HS6ST2: variants seen among roughly 807,000 people sequenced by gnomAD.
HS6ST2 encodes the protein heparan-sulfate 6-O-sulfotransferase 2.
HS6ST2 carries 17 observed loss-of-function variants against 33.0 expected under a neutral mutation model. That is an observed-to-expected ratio of 0.52 (90% CI 0.35 to 0.77). HS6ST2 has a LOEUF of 0.77. Among genes scored for constraint, HS6ST2 ranks in the 30% least tolerant of loss-of-function variants. The pLI is 0.01. For synonymous variants in HS6ST2, 248 were observed against 237.1 expected, an observed-to-expected ratio of 1.05 and a Z score of -0.42; for missense variants, 519 against 551.7, an observed-to-expected ratio of 0.94 and a Z score of 0.59.
At chrX:132,769,162 A>G (rs756967270) in intron 2 of HS6ST2, among the ~76,000 whole-genome samples, 1 of 112,208 alleles carries the variant, frequency 8.9e-6, no homozygotes, top group East Asian at 2.8e-4. Flanking sequence ...TAGCTTTGTA[A>G]TCTTCAGGGA....
intron 2 of HS6ST2, among the ~76,000 whole-genome samples, chrX:132,739,197 C>G (rs894554992): frequency 3.6e-5 from 4 of 111,321 alleles, no homozygotes; most frequent in African/African-American, 6.5e-5. Context: ...GAAGCGGTTG[C>G]CAGAGGCGGT....
chrX:132,958,252 C>T lies in HS6ST2; in HGVS notation c.351G>A (p.Arg117=), dbSNP rs927402797. The change falls in exon 1 of 5, where the codon CGG becomes CGA. Residue 117 remains arginine (R), a synonymous_variant. Transcript: ENST00000370833. Reference sequence around the variant, plus strand: ...GCGAGTGGCCCAGGGCGGCCAGGCCCCGAGTGAGCAGGGCCCGGCAGAGGG... The same window carrying T: ...GCGAGTGGCCCAGGGCGGCCAGGCCTCGAGTGAGCAGGGCCCGGCAGAGGG... ...LGSLCRALLT[R]GLAALGHSLK... 4 of 1,187,819 alleles carry T rather than the reference C, an allele frequency of 3.4e-6. No individual in the cohort carries two copies. Among genetic ancestry groups the T allele is most frequent in the Non-Finnish European group, 4.5e-6 (4 of 888,894 alleles).
At chrX:132,918,259 T>C (rs1051048412) in intron 2 of HS6ST2, among the ~76,000 whole-genome samples, 8 of 112,148 alleles carry the variant, frequency 7.1e-5, no homozygotes, top group Non-Finnish European at 1.1e-4. Context: ...CTCACTGCAA[T>C]GTGTGGAGGG....
chrX:132,671,027 A>G (rs756244472), intron 3 of HS6ST2, among the ~76,000 whole-genome samples: 9 of 111,426 alleles, frequency 8.1e-5, no homozygotes, highest in African/African-American at 2.6e-4. Context: ...CCACTCACAG[A>G]CTCACCAGAA....
At chrX:132,881,347 T>C (rs1386314301) in intron 2 of HS6ST2, among the ~76,000 whole-genome samples, 1 of 111,720 alleles carries the variant, frequency 9.0e-6, no homozygotes, top group East Asian at 2.8e-4. Context: ...TATCTCATTG[T>C]GGTTTTCATT....
At chrX:132,711,599 T>C (rs1391619891) in intron 2 of HS6ST2, among the ~76,000 whole-genome samples, 1 of 111,698 alleles carries the variant, frequency 9.0e-6, no homozygotes, top group Non-Finnish European at 1.9e-5. Flanking sequence ...TACTTAGAAG[T>C]ATACCAATCC....
chrX:132,637,179 A>G (rs1204688173), intron 4 of HS6ST2, among the ~76,000 whole-genome samples: 1 of 112,375 alleles, frequency 8.9e-6, no homozygotes, highest in Non-Finnish European at 1.9e-5. Flanking sequence ...TTAGAAATGC[A>G]CACTCTCAGG....
At chrX:132,647,402 T>A (rs1368807165) in intron 4 of HS6ST2, among the ~76,000 whole-genome samples, 1 of 111,708 alleles carries the variant, frequency 9.0e-6, no homozygotes, top group Non-Finnish European at 1.9e-5. Flanking sequence ...CCCTTGTCAG[T>A]GGCCAGATCA....
rs143894714 is a variant in HS6ST2, at chrX:132,927,967, C to T, written c.947+28841G>A. ...TTTAATTAGCTCATGGTTCTGTAGG[C>T]TGCACAAGAAACAGAGTGTTAGCAT... is the stretch of plus-strand genomic sequence containing the variant. On this transcript the variant is annotated intron_variant, in intron 2 of 4. Coordinates refer to ENST00000370833, the MANE Select transcript of HS6ST2 (RefSeq NM_001394073.1). Among the ~76,000 whole-genome samples, 344 of 111,186 alleles carry T rather than the reference C, an allele frequency of 3.1e-3. 2 individuals carry two copies. The highest frequency in any genetic ancestry group is 0.011 in the African/African-American group (326 of 30,612).
chrX:132,838,631 C>A (rs2065669578), intron 2 of HS6ST2, among the ~76,000 whole-genome samples: 2 of 111,350 alleles, frequency 1.8e-5, no homozygotes, highest in South Asian at 7.6e-4. Context: ...ATATTACTTC[C>A]AAATGAATGC....
intron 3 of HS6ST2, among the ~76,000 whole-genome samples, chrX:132,684,051 A>G (rs139228627): frequency 0.039 from 4,302 of 109,235 alleles, 72 homozygotes; most frequent in Middle Eastern, 0.062. Context: ...CCAGCAACGA[A>G]GGCAATAAAC....
intron 2 of HS6ST2, among the ~76,000 whole-genome samples, chrX:132,926,496 G>T (rs1425608122): frequency 8.9e-6 from 1 of 112,602 alleles, no homozygotes; most frequent in African/African-American, 3.2e-5. Flanking sequence ...AATCCTGTCT[G>T]TTTAGGTCCA....
intron 2 of HS6ST2, among the ~76,000 whole-genome samples, chrX:132,883,996 C>CAT (rs957303347): frequency 3.6e-5 from 4 of 111,570 alleles, no homozygotes; most frequent in South Asian, 3.8e-4. Context: ...CAATCTGTAA[C>CAT]ATATATATAT....
At chrX:132,852,644 T>C (rs1171339664) in intron 2 of HS6ST2, among the ~76,000 whole-genome samples, 1 of 112,438 alleles carries the variant, frequency 8.9e-6, no homozygotes, top group Non-Finnish European at 1.9e-5. Flanking sequence ...CAGCTGTCTC[T>C]AATGAATCTG....
chrX:132,856,970 A>G (rs2065857767), intron 2 of HS6ST2, among the ~76,000 whole-genome samples: 1 of 111,977 alleles, frequency 8.9e-6, no homozygotes, highest in African/African-American at 3.2e-5. Flanking sequence ...ACTCTGGGGG[A>G]TGCTCTCAGG....
intron 3 of HS6ST2, among the ~76,000 whole-genome samples, chrX:132,673,209 T>G (rs1359525233): frequency 8.9e-6 from 1 of 112,593 alleles, no homozygotes; most frequent in Non-Finnish European, 1.9e-5. Flanking sequence ...TTATATTTTA[T>G]TATTTATCTG....
intron 2 of HS6ST2, among the ~76,000 whole-genome samples, chrX:132,872,748 G>C (rs113251824): frequency 9.0e-6 from 1 of 111,712 alleles, no homozygotes; most frequent in African/African-American, 3.3e-5. Context: ...GCTGTGTTTT[G>C]AAAGCAGGAA....
chrX:132,736,012 T>C (rs1458794453), intron 2 of HS6ST2, among the ~76,000 whole-genome samples: 1 of 110,111 alleles, frequency 9.1e-6, no homozygotes, highest in African/African-American at 3.3e-5. Flanking sequence ...GCCCGGCTAA[T>C]TTTTGTATTT....
At chrX:132,876,671 G>C (rs1484254939) in intron 2 of HS6ST2, among the ~76,000 whole-genome samples, 1 of 110,502 alleles carries the variant, frequency 9.0e-6, no homozygotes, top group African/African-American at 3.3e-5. Context: ...AGGGGGGTGA[G>C]AGACAGCTGA....
Sources: allele counts gnomAD v4.1 joint callset (sites outside exome capture counted in the v4.1 genomes callset), GRCh38; gene constraint gnomAD v4.1.1; transcripts MANE v1.5; gene names NCBI Gene and HGNC (gene_info 2026-07-23, HGNC 2026-07-21).